Variants in PLXNB1 observed in about 807,000 individuals in gnomAD.
PLXNB1 encodes the protein plexin-B1.
A neutral mutation model predicts 209.4 loss-of-function variants in PLXNB1; 106 were observed. The ratio of observed to expected loss-of-function variants is 0.51; its 90% CI spans 0.43 to 0.59. PLXNB1 has a LOEUF of 0.59. Among genes scored for constraint, PLXNB1 ranks in the 20% least tolerant of loss-of-function variants. PLXNB1 has a pLI of 0.00. For missense variants in PLXNB1, 2,357 were observed against 2,853.2 expected (o/e 0.83, Z 3.96); for synonymous variants, 1,167 against 1,183.2 (o/e 0.99, Z 0.28).
At position 48,420,750 on chromosome 3, in the gene PLXNB1, C is replaced by T. The variant is rs762558724; in HGVS notation, c.1943G>A (p.Arg648His). ...SAQCQACVSS[R>H]WGCNWCVWQH... Reference sequence around the variant, plus strand: ...CCAGACACACCAGTTACACCCCCAGCGGCTGCTCACACAGGCCTGGCACCT... The same window carrying T: ...CCAGACACACCAGTTACACCCCCAGTGGCTGCTCACACAGGCCTGGCACCT... Residue 648 changes from arginine (R) to histidine (H), a missense_variant, in exon 10 of 38, where the codon CGC (arginine) becomes CAC (histidine). Arg to His is a conservative substitution (Grantham distance 29, BLOSUM62 0). Coordinates refer to ENST00000296440, the MANE Select transcript of PLXNB1 (RefSeq NM_001130082.3). 5.0e-6 allele frequency: 8 copies of T among 1,614,108 alleles called. No individual in the cohort carries two copies. The African/African-American group carries it at 5.3e-5, about 11-fold the overall frequency.
intron 24 of PLXNB1, 26 bp from the exon 25 acceptor site, chr3:48,412,985 A>G (rs2037799108): frequency 6.2e-7 from 1 of 1,611,956 alleles, no homozygotes; most frequent in African/African-American, 1.3e-5. Context: ...GGCCAGGTTA[A>G]GCACCTGTTA....
Position 48,420,006 on chromosome 3 carries a change from G to C in PLXNB1, c.2280C>G (p.Ser760=). 1 of 1,602,606 alleles carries C rather than the reference G, an allele frequency of 6.2e-7. No individual in the cohort carries two copies. ...STGSPLHEEP[S]PPSPQNGPGT... ...CAGGTCCATTTTGGGGGCTGGGAGG[G>C]GAGGGCTCCTCATGGAGAGGCGACC... is the stretch of plus-strand genomic sequence containing the variant. The change falls in exon 11 of 38, where the codon TCC becomes TCG. Residue 760 remains serine (S), a synonymous_variant. Transcript: ENST00000296440.
rs758402400 is a variant in PLXNB1 at position 48,414,766 on chromosome 3, C to T, written c.4209+33G>A. 5.6e-6 allele frequency: 9 copies of T among 1,603,264 alleles called. No individual in the cohort carries two copies. In the South Asian group the frequency reaches 7.8e-5, roughly 14 times the overall value. ...TGCTGTCCAGCCAAGGGAAGGGTCT[C>T]GGGGCCCTGCCAGGTCCAAGTAGGA... On this transcript the variant is annotated intron_variant, in intron 21 of 37. Coordinates refer to ENST00000296440, the MANE Select transcript of PLXNB1 (RefSeq NM_001130082.3).
At chr3:48,414,667 C>T in intron 21 of PLXNB1, 132 bp downstream of exon 21, 1 of 1,208,362 alleles carries the variant, frequency 8.3e-7, no homozygotes, top group Non-Finnish European at 1.2e-6. Context: ...GCCCCCACCA[C>T]AGCAAGGATG....
rs1030555929 is a variant in PLXNB1 at position 48,416,184 on chromosome 3, G to A, written c.3481-17C>T. On this transcript the variant is annotated splice_polypyrimidine_tract_variant and intron_variant, in intron 17 of 37. Transcript: ENST00000296440. This position sits in a 1 kb window ranked among gnomAD's most constrained non-coding sequence, Gnocchi z 4.1. ...CTTCGGATCCTGTGGGACAGACAGG[G>A]AGAGAGATGAGCATCAGACCAGACA... The A allele has an allele frequency of 1.9e-6, 3 of 1,595,826 alleles. No individual in the cohort carries two copies. Among genetic ancestry groups the A allele is most frequent in the African/African-American group, 1.3e-5 (1 of 74,476 alleles).
In PLXNB1 at chr3:48,417,609, C is replaced by T. The variant is rs2038186451; in HGVS notation, c.3374+302G>A. Among the ~76,000 whole-genome samples the T allele has an allele frequency of 6.6e-6, 1 of 152,178 alleles. No homozygotes were observed. Among genetic ancestry groups the T allele is most frequent in the African/African-American group, 2.4e-5 (1 of 41,442 alleles). On this transcript the variant is annotated intron_variant, in intron 16 of 37. Transcript: ENST00000296440. This position sits in a 1 kb window ranked among gnomAD's most constrained non-coding sequence, Gnocchi z 4.4. ...TGATCTGAGGGTCCTGCTGCCACAG[C>T]TATTAATATATCCACAGTCCCTCAG...
chr3:48,409,946 C>T lies in PLXNB1; in HGVS notation c.5737G>A (p.Ala1913Thr), dbSNP rs1429751743. 1.2e-6 allele frequency: 2 copies of T among 1,612,250 alleles called. No homozygotes were observed. The highest frequency in any genetic ancestry group is 1.7e-6 in the Non-Finnish European group (2 of 1,179,566). The change falls in exon 32 of 38, where the codon GCC becomes ACC. Residue 1913 changes from alanine to threonine, a missense_variant. Ala to Thr is a moderately conservative substitution (Grantham distance 58). This residue lies in a region of PLXNB1 where 414 missense variants were observed against 520.5 expected (regional missense o/e 0.80). Transcript: ENST00000296440. This position sits in a 1 kb window ranked among gnomAD's most constrained non-coding sequence, Gnocchi z 5.8. ...LRGGERERAKAIPEIYLTRLL... is the reference protein window; with the variant it reads ...LRGGERERAKTIPEIYLTRLL... Reference sequence around the variant, plus strand: ...CGGGTCAGGTAGATCTCAGGGATGGCCTTGGCGCGCTCACGCTCCCCGCCC... The same window carrying T: ...CGGGTCAGGTAGATCTCAGGGATGGTCTTGGCGCGCTCACGCTCCCCGCCC...
intron 1 of PLXNB1, among the ~76,000 whole-genome samples, chr3:48,426,596 G>T (rs1489939132): frequency 2.0e-5 from 3 of 152,224 alleles, no homozygotes; most frequent in Admixed American, 6.5e-5. Flanking sequence ...TCAGGGGAGG[G>T]TCCAGCAGCC....
In PLXNB1 at chr3:48,415,229, G is replaced by A. The variant is rs753953438; in HGVS notation, c.3913C>T (p.Arg1305Cys). The A allele has an allele frequency of 1.2e-5, 19 of 1,613,450 alleles. No individual in the cohort carries two copies. Among genetic ancestry groups the A allele is most frequent in the South Asian group, 2.2e-5 (2 of 91,088 alleles). The change falls in exon 20 of 38, where the codon CGC (arginine) becomes TGC (cysteine). Residue 1305 changes from arginine (R) to cysteine (C), a missense_variant. Physicochemically the swap from Arg to Cys is radical, Grantham distance 180. This residue lies in a region of PLXNB1 where 743 missense variants were observed against 896.2 expected (regional missense o/e 0.83). Transcript: ENST00000296440. The surrounding 1 kb of genome is among the most constrained non-coding windows in gnomAD (Gnocchi z 5.0). Reference sequence around the variant, plus strand: ...GAACATGCCGTCTCCGGGACCACGCGACGCCTCCGTCCAAGCCCCTGGCTG... The same window carrying A: ...GAACATGCCGTCTCCGGGACCACGCAACGCCTCCGTCCAAGCCCCTGGCTG... ...QPSQGLGRRRRVVPETACSLG... is the reference protein window; with the variant it reads ...QPSQGLGRRRCVVPETACSLG...
intron 10 of PLXNB1, among the ~76,000 whole-genome samples, 172 bp from the exon 11 acceptor site, chr3:48,420,429 T>C (rs2106917394): frequency 6.6e-6 from 1 of 152,226 alleles, no homozygotes; most frequent in East Asian, 1.9e-4. Context: ...TCCAGGGGTG[T>C]CTGTGCCGAG....
Position 48,410,159 on chromosome 3 carries a change from G to T in PLXNB1, c.5606-82C>A. On this transcript the variant is annotated intron_variant, in intron 31 of 37. Coordinates refer to ENST00000296440, the MANE Select transcript of PLXNB1 (RefSeq NM_001130082.3). This position sits in a 1 kb window ranked among gnomAD's most constrained non-coding sequence, Gnocchi z 6.4. ...CTGTTTCTTGCCAGCTCTCCCAGGGGTGGGGGCACCTGGTTGAGGGATTTC... is the reference window on the plus strand; with the variant it reads ...CTGTTTCTTGCCAGCTCTCCCAGGGTTGGGGGCACCTGGTTGAGGGATTTC... 1 of 1,493,046 alleles carries T rather than the reference G, an allele frequency of 6.7e-7. No individual in the cohort carries two copies. Among genetic ancestry groups the T allele is most frequent in the African/African-American group, 1.4e-5 (1 of 71,684 alleles). 92.5% of individuals were successfully genotyped at this position (1,493,046 alleles called of 1,614,324 possible). A position where few individuals can be genotyped will look rare whatever the true frequency, so the allele number is the denominator to read the frequency against.
In PLXNB1 at chr3:48,410,469, G is replaced by A. The variant is rs755643435; in HGVS notation, c.5506C>T (p.Leu1836=). Residue 1836 remains leucine (L), a synonymous_variant, in exon 30 of 38, where the codon CTG becomes TTG. Transcript: ENST00000296440. This position sits in a 1 kb window ranked among gnomAD's most constrained non-coding sequence, Gnocchi z 6.4. ...ACTCCTCCTACCTTGTAATGCTGCAGTGTGTTCAGGCGCCTCCACAGACCC... is the reference window on the plus strand; with the variant it reads ...ACTCCTCCTACCTTGTAATGCTGCAATGTGTTCAGGCGCCTCCACAGACCC... The part of the protein sequence containing the change: ...VQGLWRRLNT[L]QHYKVPDGAT... 49 of 1,613,788 alleles carry A rather than the reference G, an allele frequency of 3.0e-5. No homozygotes were observed. Among genetic ancestry groups the A allele is most frequent in the Non-Finnish European group, 4.0e-5 (47 of 1,179,882 alleles).
rs1410134162 is a variant in PLXNB1 at position 48,423,975 on chromosome 3, C to CG, written c.636dup (p.Glu213ArgfsTer30). The CG allele has an allele frequency of 6.2e-7, 1 of 1,613,568 alleles. No individual in the cohort carries two copies. The highest frequency in any genetic ancestry group is 1.7e-5 in the Admixed American group (1 of 60,004). ...GCACTCACGAAGTGGTGGCTGTACTCGGAGAGGCGGCCCACTGCCAGCTTG... is the reference window on the plus strand; with the variant it reads ...GCACTCACGAAGTGGTGGCTGTACTCGGGAGAGGCGGCCCACTGCCAGCTTG... On this transcript the variant is annotated frameshift_variant, in exon 3 of 38. Transcript: ENST00000296440. LOFTEE classifies it high-confidence loss of function.
Position 48,410,208 on chromosome 3 carries a change from AAG to A in PLXNB1, c.5605+86_5605+87del. 1.4e-6 allele frequency: 2 copies of A among 1,453,168 alleles called. No individual in the cohort carries two copies. The highest frequency in any genetic ancestry group is 1.9e-6 in the Non-Finnish European group (2 of 1,070,708). 90.0% of individuals were successfully genotyped at this position (1,453,168 alleles called of 1,614,324 possible). On this transcript the variant is annotated intron_variant, in intron 31 of 37. Coordinates refer to ENST00000296440, the MANE Select transcript of PLXNB1 (RefSeq NM_001130082.3). The surrounding 1 kb of genome is among the most constrained non-coding windows in gnomAD (Gnocchi z 6.4). ...TCCTGGGCCGAATGGAAATAGGCAC[AAG>A]CCTGCCCTGAGGCCCAGAGGACCTT...
Position 48,419,342 on chromosome 3 carries a change from A to G in PLXNB1, c.2734T>C (p.Ser912Pro), listed in dbSNP as rs367689762. ...ELEEATLGAS[S>P]CPCVESVQGS... ...TGAACGCTCTCCACACAGGGGCAGG[A>G]GCTTGCCCCCAAGGTCGCCTCTTCC... The change falls in exon 12 of 38, where the codon TCC (serine) becomes CCC (proline). Residue 912 changes from serine to proline, a missense_variant. Around this residue, in one of 7 missense-constraint regions of PLXNB1, gnomAD observed 410 missense variants for 401.0 expected, o/e 1.02. Transcript: ENST00000296440. This position sits in a 1 kb window ranked among gnomAD's most constrained non-coding sequence, Gnocchi z 5.7. 2.5e-6 allele frequency: 4 copies of G among 1,577,562 alleles called. No homozygotes were observed. The highest frequency in any genetic ancestry group is 3.5e-6 in the Non-Finnish European group (4 of 1,158,884).
Position 48,412,479 on chromosome 3 carries a change from G to C in PLXNB1, c.4996C>G (p.Gln1666Glu). 6.2e-7 allele frequency: 1 copy of C among 1,613,658 alleles called. No individual in the cohort carries two copies. The highest frequency in any genetic ancestry group is 1.1e-5 in the South Asian group (1 of 91,088). Reference protein sequence around the residue: ...LRTLLSDLVAQYVAKNPKLML... With the variant: ...LRTLLSDLVAEYVAKNPKLML... ...AGCTTGGGGTTCTTGGCCACATACT[G>C]GGCAACCAGGTCACTGAGCAGAGTG... Residue 1666 changes from glutamine to glutamate, a missense_variant, in exon 26 of 38, where the codon CAG becomes GAG. Physicochemically the swap from Gln to Glu is conservative, Grantham distance 29. Around this residue, in one of 7 missense-constraint regions of PLXNB1, gnomAD observed 65 missense variants for 127.6 expected, o/e 0.51. Coordinates refer to ENST00000296440, the MANE Select transcript of PLXNB1 (RefSeq NM_001130082.3).
chr3:48,425,659 A>C (rs1244519779), intron 1 of PLXNB1, among the ~76,000 whole-genome samples: 1 of 152,092 alleles, frequency 6.6e-6, no homozygotes. Flanking sequence ...CTCTCTGCTC[A>C]AACTCCACCC....
In PLXNB1 at chr3:48,406,537, C is replaced by T. The variant is rs1211237604; in HGVS notation, c.6228+286G>A. 12 of 983,674 alleles carry T rather than the reference C, an allele frequency of 1.2e-5. No individual in the cohort carries two copies. Among genetic ancestry groups the T allele is most frequent in the Non-Finnish European group, 8.4e-6 (7 of 828,512 alleles). 60.9% of individuals were successfully genotyped at this position (983,674 alleles called of 1,614,324 possible). On this transcript the variant is annotated intron_variant, in intron 36 of 37. Transcript: ENST00000296440. This position sits in a 1 kb window ranked among gnomAD's most constrained non-coding sequence, Gnocchi z 4.4. ...AGTGGGAAGACGCATGCAGGCAGAC[C>T]CAGGCAGGCCTGGGGCTGAATCCCA...
rs199576492 is a variant in PLXNB1 at position 48,422,883 on chromosome 3, G to A, written c.1172C>T (p.Pro391Leu). 1.7e-5 allele frequency: 28 copies of A among 1,614,102 alleles called. No homozygotes were observed. The highest frequency in any genetic ancestry group is 9.9e-5 in the South Asian group (9 of 91,084). The change falls in exon 4 of 38, where the codon CCG (proline) becomes CTG (leucine). Residue 391 changes from proline (P) to leucine (L), a missense_variant. Physicochemically the swap from Pro to Leu is moderately conservative, Grantham distance 98. Around this residue, in one of 7 missense-constraint regions of PLXNB1, gnomAD observed 404 missense variants for 443.6 expected, o/e 0.91. Transcript: ENST00000296440. ...HTPSPMASRV[P>L]LEATPILEWP... Reference sequence around the variant, plus strand: ...CTCCAGAATTGGTGTGGCTTCCAGCGGGACCCGGCTGGCCATGGGGCTGGG... The same window carrying A: ...CTCCAGAATTGGTGTGGCTTCCAGCAGGACCCGGCTGGCCATGGGGCTGGG...
Sources: allele counts gnomAD v4.1 joint callset (sites outside exome capture counted in the v4.1 genomes callset), GRCh38; gene constraint gnomAD v4.1.1; regional missense constraint gnomAD v4.1.1; non-coding constraint Gnocchi (gnomAD v3.1); transcripts MANE v1.5; gene names NCBI Gene and HGNC (gene_info 2026-07-23, HGNC 2026-07-21).